The following ATCAY variants were observed in gnomAD, a reference collection of about 807,000 sequenced individuals.
ATCAY encodes caytaxin.
ATCAY carries 22 observed loss-of-function variants against 47.7 expected under a neutral mutation model. That is an observed-to-expected ratio of 0.46 (90% CI 0.33 to 0.66). The LOEUF (loss-of-function observed/expected upper bound fraction) is 0.66. Ranked by LOEUF, ATCAY falls within the 30% of genes least tolerant of loss-of-function variation. ATCAY has a pLI of 0.02. For missense variants in ATCAY, 452 were observed against 515.0 expected, an observed-to-expected ratio of 0.88 and a Z score of 1.18; for synonymous variants, 216 against 207.6, an observed-to-expected ratio of 1.04 and a Z score of -0.35.
At chr19:3,901,283 G>A (rs2145238161) in intron 2 of ATCAY, among the ~76,000 whole-genome samples, 1 of 152,150 alleles carries the variant, frequency 6.6e-6, no homozygotes, top group South Asian at 2.1e-4. Flanking sequence ...CTTCTCTCCT[G>A]TTTATTTGTT....
At chr19:3,882,292 G>A (rs1461944438) in intron 1 of ATCAY, among the ~76,000 whole-genome samples, 1 of 151,636 alleles carries the variant, frequency 6.6e-6, no homozygotes, top group Admixed American at 6.6e-5. Context: ...GATTACACGT[G>A]TGAGCCACTG....
At chr19:3,912,743 A>G (rs2038934350) in intron 8 of ATCAY, among the ~76,000 whole-genome samples, 1 of 151,888 alleles carries the variant, frequency 6.6e-6, no homozygotes, top group South Asian at 2.1e-4. Flanking sequence ...TTAATTAGCC[A>G]GGCCTGGTGG....
intron 1 of ATCAY, among the ~76,000 whole-genome samples, chr19:3,885,098 GTT>G (rs1555765609): frequency 4.1e-4 from 33 of 80,762 alleles, no homozygotes; most frequent in East Asian, 7.3e-4. Flanking sequence ...GCAAGATCAT[GTT>G]TTTTTTTTTA....
chr19:3,907,939 G>C lies in ATCAY; in HGVS notation c.544+20G>C. On this transcript the variant is annotated intron_variant, in intron 5 of 12. Transcript: ENST00000450849. This position sits in a 1 kb window ranked among gnomAD's most constrained non-coding sequence, Gnocchi z 5.1. ...ACGGAGGTGAGACCCGCCCCCCGGTGCCCCCTTGGGGCTCCAGCCCGGCCC... is the reference window on the plus strand; with the variant it reads ...ACGGAGGTGAGACCCGCCCCCCGGTCCCCCCTTGGGGCTCCAGCCCGGCCC... 1 of 1,607,252 alleles carries C rather than the reference G, an allele frequency of 6.2e-7. No homozygotes were observed. The highest frequency in any genetic ancestry group is 8.5e-7 in the Non-Finnish European group (1 of 1,176,944).
chr19:3,891,330 G>C (rs981095231), intron 2 of ATCAY, among the ~76,000 whole-genome samples: 1 of 152,050 alleles, frequency 6.6e-6, no homozygotes, highest in Non-Finnish European at 1.5e-5. Flanking sequence ...GGGATTACAG[G>C]TGTGAGCCAC....
chr19:3,908,427 C>T (rs1331160794), intron 6 of ATCAY, 57 bp downstream of exon 6: 1 of 1,413,882 alleles, frequency 7.1e-7, no homozygotes, highest in African/African-American at 1.4e-5. Flanking sequence ...TCCCTGGCCA[C>T]AGGGGCACCA....
intron 9 of ATCAY, among the ~76,000 whole-genome samples, chr19:3,914,287 G>A (rs1188469145): frequency 4.2e-5 from 6 of 144,330 alleles, no homozygotes; most frequent in Admixed American, 1.4e-4. Context: ...GGCTGGCAAC[G>A]CCTCCCAATC....
intron 2 of ATCAY, among the ~76,000 whole-genome samples, chr19:3,899,106 T>C (rs2038792844): frequency 6.6e-6 from 1 of 152,140 alleles, no homozygotes; most frequent in East Asian, 1.9e-4. Flanking sequence ...ATCTTTGCCA[T>C]GAACAGGAGG....
rs1205624088 is a variant in ATCAY at position 3,894,694 on chromosome 19, A to G, written c.78-7793A>G. Among the ~76,000 whole-genome samples, 3 of 151,326 alleles carry G rather than the reference A, an allele frequency of 2.0e-5. No homozygotes were observed. The East Asian group carries it at 5.8e-4, about 29-fold the overall frequency. On this transcript the variant is annotated intron_variant, in intron 2 of 12. Coordinates refer to ENST00000450849, the MANE Select transcript of ATCAY (RefSeq NM_033064.5). Reference sequence around the variant, plus strand: ...CCAGGTGTGGCAGCTCACTCCTGTAATCCCATCACTTTAGGAAGCTGAGGC... The same window carrying G: ...CCAGGTGTGGCAGCTCACTCCTGTAGTCCCATCACTTTAGGAAGCTGAGGC...
In ATCAY at chr19:3,901,167, G is replaced by T. The variant is rs560378176; in HGVS notation, c.78-1320G>T. Among the ~76,000 whole-genome samples the T allele has an allele frequency of 5.9e-5, 9 of 152,264 alleles. No individual in the cohort carries two copies. The East Asian group carries it at 1.7e-3, about 29-fold the overall frequency. On this transcript the variant is annotated intron_variant, in intron 2 of 12. Transcript: ENST00000450849. ...TCCGCACGCCTCGGCCTCCCAAAGT[G>T]CTGGGATTACAGGCGTGAGCCACCG...
At position 3,885,734 on chromosome 19, in the gene ATCAY, C is replaced by T. The variant is rs1402169118; in HGVS notation, c.-34C>T. 10 of 1,544,392 alleles carry T rather than the reference C, an allele frequency of 6.5e-6. No homozygotes were observed. In the East Asian group the frequency reaches 2.2e-4, roughly 34 times the overall value. ...TCTGCGGCTTCCTTTCAGGGGTCAT[C>T]CCTGCTTCAAGCCAGTGCCTCTTCC... On this transcript the variant is annotated 5_prime_UTR_variant, in exon 2 of 13. Coordinates refer to ENST00000450849, the MANE Select transcript of ATCAY (RefSeq NM_033064.5).
rs201358089 is a variant in ATCAY at position 3,920,805 on chromosome 19, G to A, written c.1106+7G>A. ...CAGAAGATCAGGAAACAAGGTGGGT[G>A]TGATGCAGAGTGGTCTTCGTGCTGT... On this transcript the variant is annotated splice_region_variant and intron_variant, in intron 12 of 12. Coordinates refer to ENST00000450849, the MANE Select transcript of ATCAY (RefSeq NM_033064.5). 47 of 1,613,558 alleles carry A rather than the reference G, an allele frequency of 2.9e-5. No individual in the cohort carries two copies. Among genetic ancestry groups the A allele is most frequent in the African/African-American group, 5.3e-5 (4 of 74,938 alleles).
At chr19:3,883,554 C>T (rs2038621558) in intron 1 of ATCAY, among the ~76,000 whole-genome samples, 1 of 152,198 alleles carries the variant, frequency 6.6e-6, no homozygotes, top group Admixed American at 6.6e-5. Flanking sequence ...ATTTGGGACC[C>T]AGTCATTCTT....
chr19:3,905,050 G>A (rs1051421422), intron 3 of ATCAY, among the ~76,000 whole-genome samples: 1 of 151,964 alleles, frequency 6.6e-6, no homozygotes, highest in Non-Finnish European at 1.5e-5. Context: ...GTAGAGATGG[G>A]GTTTCGCCAT....
At chr19:3,920,944 GC>G in intron 12 of ATCAY, 146 bp downstream of exon 12, 1 of 957,256 alleles carries the variant, frequency 1.0e-6, no homozygotes, top group Non-Finnish European at 1.6e-6. Context: ...CAGGAAAACT[GC>G]CCCATGACTT....
chr19:3,892,778 G>A (rs938901712), intron 2 of ATCAY, among the ~76,000 whole-genome samples: 1 of 151,864 alleles, frequency 6.6e-6, no homozygotes, highest in Non-Finnish European at 1.5e-5. Flanking sequence ...TGTGGTGGCG[G>A]GCACCTGTAA....
chr19:3,897,809 G>A (rs1243443450), intron 2 of ATCAY, among the ~76,000 whole-genome samples: 1 of 152,100 alleles, frequency 6.6e-6, no homozygotes, highest in East Asian at 1.9e-4. Context: ...TCTGGAGGCT[G>A]AGGCACAAGA....
intron 5 of ATCAY, 139 bp downstream of exon 5, chr19:3,908,058 G>C (rs1056847049): frequency 8.0e-7 from 1 of 1,249,036 alleles, no homozygotes; most frequent in African/African-American, 1.5e-5. Flanking sequence ...TGGGCAAGGC[G>C]TGCATGGTCA....
In ATCAY at chr19:3,917,765, C is replaced by A. The variant is rs757155455; in HGVS notation, c.989C>A (p.Ala330Asp). ...VLQYEEERLK[A>D]RRESARPQPE... Reference sequence around the variant, plus strand: ...AGATACGAAGAGGAAAGACTGAAGGCCAGGAGGGAGAGGTGTGTGCAGAGT... The same window carrying A: ...AGATACGAAGAGGAAAGACTGAAGGACAGGAGGGAGAGGTGTGTGCAGAGT... Residue 330 changes from alanine (A) to aspartate (D), a missense_variant, in exon 10 of 13, where the codon GCC becomes GAC. Transcript: ENST00000450849. The A allele has an allele frequency of 6.2e-7, 1 of 1,613,180 alleles. No homozygotes were observed. The highest frequency in any genetic ancestry group is 8.5e-7 in the Non-Finnish European group (1 of 1,179,686).
Sources: gnomAD v4.1 joint callset for allele counts (sites outside exome capture counted in the v4.1 genomes callset) on GRCh38, gnomAD v4.1.1 for gene constraint, Gnocchi (gnomAD v3.1) non-coding constraint, MANE v1.5 for transcripts, NCBI Gene and HGNC (gene_info 2026-07-23, HGNC 2026-07-21) for gene names.